SLCO5A1: variants seen among roughly 807,000 people sequenced by gnomAD.
SLCO5A1 encodes solute carrier organic anion transporter family member 5A1.
Under a neutral mutation model 65.1 loss-of-function variants are expected in SLCO5A1, and 39 were observed. The observed-to-expected ratio is 0.60, with a 90% CI of 0.46 to 0.78. SLCO5A1 has a LOEUF of 0.78. SLCO5A1 is among the 30% of genes least tolerant of loss of function. The pLI, the probability that SLCO5A1 is intolerant of heterozygous loss-of-function variation, is 0.00. For missense variants in SLCO5A1, 1,029 were observed against 1,069.4 expected (o/e 0.96, Z 0.53); for synonymous variants, 438 against 415.7 (o/e 1.05, Z -0.65).
chr8:69,757,812 C>T (rs1357298504), intron 3 of SLCO5A1, among the ~76,000 whole-genome samples: 2 of 151,988 alleles, frequency 1.3e-5, no homozygotes, highest in African/African-American at 4.8e-5. Flanking sequence ...GCTCACTTGC[C>T]TCTGGAGCCT....
At chr8:69,695,816 G>A (rs888571666) in intron 6 of SLCO5A1, among the ~76,000 whole-genome samples, 2 of 150,832 alleles carry the variant, frequency 1.3e-5, no homozygotes, top group Non-Finnish European at 2.9e-5. Context: ...TTGAGGGGAT[G>A]GAAGAAAGAA....
intron 2 of SLCO5A1, among the ~76,000 whole-genome samples, chr8:69,804,574 C>T: frequency 6.6e-6 from 1 of 152,204 alleles, no homozygotes. Context: ...CCTTGGCCTC[C>T]CAAAGTGCTG....
intron 5 of SLCO5A1, among the ~76,000 whole-genome samples, chr8:69,733,199 T>C (rs1816413423): frequency 6.6e-6 from 1 of 152,350 alleles, no homozygotes; most frequent in South Asian, 2.1e-4. Context: ...CTATTCAAAG[T>C]GCACAACTTC....
chr8:69,676,016 C>T (rs913472300), intron 9 of SLCO5A1, among the ~76,000 whole-genome samples: 2 of 152,178 alleles, frequency 1.3e-5, no homozygotes, highest in African/African-American at 4.8e-5. Flanking sequence ...ACCTATGTTC[C>T]ACCCGTACAA....
intron 6 of SLCO5A1, among the ~76,000 whole-genome samples, chr8:69,701,061 T>C (rs1814713315): frequency 6.6e-6 from 1 of 151,444 alleles, no homozygotes; most frequent in African/African-American, 2.4e-5. Flanking sequence ...CAGATGAGAG[T>C]AGGGGGACTG....
intron 2 of SLCO5A1, among the ~76,000 whole-genome samples, chr8:69,805,521 T>C (rs1819955398): frequency 6.6e-6 from 1 of 152,238 alleles, no homozygotes; most frequent in South Asian, 2.1e-4. Flanking sequence ...ATATTAAAGT[T>C]ATATTAAAAC....
chr8:69,741,821 A>G (rs889584720), intron 4 of SLCO5A1, among the ~76,000 whole-genome samples: 1 of 152,210 alleles, frequency 6.6e-6, no homozygotes, highest in African/African-American at 2.4e-5. Flanking sequence ...ACTTGCTTGT[A>G]CCTTTTTTAA....
rs1027002356 is a variant in SLCO5A1 at position 69,832,798 on chromosome 8, G to T, written c.-125C>A. ...CCCACCTGGGACTGGGGCTGGGGGC[G>T]CAGGGCCGCGCAGCAGGGCATCCTC... is the stretch of plus-strand genomic sequence containing the variant. On this transcript the variant is annotated 5_prime_UTR_variant, in exon 2 of 10. Transcript: ENST00000260126. The surrounding 1 kb of genome is among the most constrained non-coding windows in gnomAD (Gnocchi z 4.5). 8 of 1,100,318 alleles carry T rather than the reference G, an allele frequency of 7.3e-6. No individual in the cohort carries two copies. The African/African-American group carries it at 9.5e-5, about 13-fold the overall frequency. 68.2% of individuals were successfully genotyped at this position (1,100,318 alleles called of 1,614,324 possible). A position where few individuals can be genotyped will look rare whatever the true frequency, so the allele number is the denominator to read the frequency against.
intron 5 of SLCO5A1, among the ~76,000 whole-genome samples, chr8:69,707,966 A>G (rs1236667823): frequency 2.6e-5 from 4 of 152,208 alleles, no homozygotes; most frequent in Non-Finnish European, 5.9e-5. Flanking sequence ...AGATCAACAA[A>G]GAGCTGGCTG....
Position 69,682,345 on chromosome 8 carries a change from T to A in SLCO5A1, c.1623-2A>T, listed in dbSNP as rs764237043. On this transcript the variant is annotated splice_acceptor_variant, in intron 6 of 9. Transcript: ENST00000260126. LOFTEE classifies it high-confidence loss of function. ...CTATGGGGCATGGTGAGAGAAGGTC[T>A]AAGAGAGAAGAGAAGCAGATCATGA... The A allele has an allele frequency of 6.4e-7, 1 of 1,568,194 alleles. No individual in the cohort carries two copies. The highest frequency in any genetic ancestry group is 2.4e-5 in the East Asian group (1 of 42,134).
chr8:69,794,735 G>T (rs1415393338), intron 2 of SLCO5A1: 8 of 245,252 alleles, frequency 3.3e-5, no homozygotes, highest in Admixed American at 5.5e-5. Context: ...GTTCATTCTT[G>T]CACTGCTCTA....
intron 4 of SLCO5A1, among the ~76,000 whole-genome samples, chr8:69,744,528 A>G (rs938812626): frequency 6.6e-6 from 1 of 152,202 alleles, no homozygotes; most frequent in Non-Finnish European, 1.5e-5. Flanking sequence ...TACTTGGTCC[A>G]TAGCTCTAGT....
At chr8:69,732,400 G>T (rs1030426866) in intron 5 of SLCO5A1, among the ~76,000 whole-genome samples, 2 of 152,120 alleles carry the variant, frequency 1.3e-5, no homozygotes, top group African/African-American at 4.8e-5. Context: ...CCAAGCAAAG[G>T]CAATGCTGAA....
intron 2 of SLCO5A1, among the ~76,000 whole-genome samples, chr8:69,769,019 C>A (rs1563713119): frequency 6.6e-6 from 1 of 152,128 alleles, no homozygotes; most frequent in South Asian, 2.1e-4. Flanking sequence ...TGGTACCATC[C>A]CTTCAGGCTT....
intron 4 of SLCO5A1, among the ~76,000 whole-genome samples, chr8:69,743,221 A>G (rs1188590552): frequency 6.6e-6 from 1 of 152,228 alleles, no homozygotes; most frequent in Non-Finnish European, 1.5e-5. Context: ...GATATAAGGC[A>G]GAAGGTATTG....
chr8:69,809,870 TTTG>T (rs952565398), intron 2 of SLCO5A1, among the ~76,000 whole-genome samples: 2 of 151,992 alleles, frequency 1.3e-5, no homozygotes, highest in Non-Finnish European at 2.9e-5. Flanking sequence ...GGTAGCATCA[TTTG>T]CAAGCTGACA....
intron 7 of SLCO5A1, among the ~76,000 whole-genome samples, chr8:69,681,405 C>T (rs1203653979): frequency 6.6e-6 from 1 of 152,096 alleles, no homozygotes; most frequent in East Asian, 1.9e-4. Flanking sequence ...ACCAGCCTGA[C>T]CAACATGGAG....
At chr8:69,809,526 T>G (rs1820134966) in intron 2 of SLCO5A1, among the ~76,000 whole-genome samples, 1 of 152,170 alleles carries the variant, frequency 6.6e-6, no homozygotes, top group African/African-American at 2.4e-5. Context: ...AAAAGAAAAT[T>G]TGAAAAGATT....
intron 5 of SLCO5A1, among the ~76,000 whole-genome samples, chr8:69,708,507 G>A (rs1035845504): frequency 6.6e-6 from 1 of 151,846 alleles, no homozygotes; most frequent in Admixed American, 6.6e-5. Context: ...GTTGCAGTGA[G>A]CCAAGATGTG....
Sources: allele counts gnomAD v4.1 joint callset (sites outside exome capture counted in the v4.1 genomes callset), GRCh38; gene constraint gnomAD v4.1.1; non-coding constraint Gnocchi (gnomAD v3.1); transcripts MANE v1.5; gene names NCBI Gene and HGNC (gene_info 2026-07-23, HGNC 2026-07-21).